The following TMX3 variants were observed in gnomAD, a reference collection of about 807,000 sequenced individuals.
TMX3 encodes the protein thioredoxin related transmembrane protein 3.
In TMX3, 40 loss-of-function variants were observed where a neutral mutation model predicts 64.4. The observed-to-expected ratio is 0.62, with a 90% confidence interval of 0.48 to 0.81. TMX3 has a LOEUF of 0.81. Ranked by LOEUF, TMX3 falls within the 30% of genes least tolerant of loss-of-function variation. TMX3 has a pLI of 0.00. For missense variants in TMX3, 497 were observed against 534.5 expected (o/e 0.93, Z 0.69); for synonymous variants, 189 against 175.7 (o/e 1.08, Z -0.60).
rs1912890322 is a variant in TMX3, at chr18:68,675,913, C to CGTTA, written c.*1016_*1019dup. On this transcript the variant is annotated 3_prime_UTR_variant, in exon 16 of 16. Coordinates refer to ENST00000299608, the MANE Select transcript of TMX3 (RefSeq NM_019022.5). ...TGTCACTGGACATGCTAATGTCAGTCGTTACTCCTTATGAAGCAGACACGG... is the reference window on the plus strand; with the variant it reads ...TGTCACTGGACATGCTAATGTCAGTCGTTAGTTACTCCTTATGAAGCAGACACGG... The CGTTA allele has an allele frequency of 6.6e-6, 1 of 151,980 alleles. No individual in the cohort carries two copies. Among genetic ancestry groups the CGTTA allele is most frequent in the Admixed American group, 6.6e-5 (1 of 15,246 alleles). 9.4% of individuals were successfully genotyped at this position (151,980 alleles called of 1,614,324 possible).
At chr18:68,694,263 C>T (rs1914833967) in intron 8 of TMX3, among the ~76,000 whole-genome samples, 1 of 152,204 alleles carries the variant, frequency 6.6e-6, no homozygotes, top group African/African-American at 2.4e-5. Flanking sequence ...CAAGTCAGGG[C>T]TGTGACACAC....
Position 68,676,442 on chromosome 18 carries a change from A to T in TMX3, c.*491T>A, listed in dbSNP as rs888495199. On this transcript the variant is annotated 3_prime_UTR_variant, in exon 16 of 16. Transcript: ENST00000299608. ...AAAACCACATTATTTTTAACCTCAT[A>T]ATCTTGATACATGGAAAAAGTTATT... is the stretch of plus-strand genomic sequence containing the variant. The T allele has an allele frequency of 6.5e-6, 1 of 154,532 alleles. No homozygotes were observed. The highest frequency in any genetic ancestry group is 1.4e-5 in the Non-Finnish European group (1 of 69,602). The allele number at this position is 154,532 out of a possible 1,614,324, so 9.6% of individuals were successfully genotyped here.
Position 68,693,543 on chromosome 18 carries a change from T to A in TMX3, c.571-2182A>T, listed in dbSNP as rs965935943. ...CAAAGTTGTGGCCGAGCCTGAGTGTTGTCGCAACTTAGCCGGGTGTGTGTG... is the reference window on the plus strand; with the variant it reads ...CAAAGTTGTGGCCGAGCCTGAGTGTAGTCGCAACTTAGCCGGGTGTGTGTG... On this transcript the variant is annotated intron_variant, in intron 8 of 15. Coordinates refer to ENST00000299608, the MANE Select transcript of TMX3 (RefSeq NM_019022.5). 2.0e-5 allele frequency among the ~76,000 whole-genome samples: 3 copies of A among 152,046 alleles called. No individual in the cohort carries two copies. In the South Asian group the frequency reaches 6.2e-4, roughly 32 times the overall value.
intron 8 of TMX3, among the ~76,000 whole-genome samples, chr18:68,695,454 T>C (rs1185823737): frequency 6.6e-6 from 1 of 152,194 alleles, no homozygotes; most frequent in Non-Finnish European, 1.5e-5. Context: ...GATGCTTATA[T>C]TTAGATTCCT....
intron 4 of TMX3, among the ~76,000 whole-genome samples, chr18:68,705,761 T>A (rs1344950711): frequency 2.0e-5 from 3 of 152,236 alleles, no homozygotes; most frequent in Middle Eastern, 3.2e-3. Flanking sequence ...TGGTATTAGT[T>A]AAATCCATGC....
In TMX3 at chr18:68,702,743, G is replaced by A. The variant is rs1167497160; in HGVS notation, c.266-953C>T. Reference sequence around the variant, plus strand: ...CTTGGGTAAGGAAGCTACTACATCTGAATTCCAATTTAACAATCACTTTAG... The same window carrying A: ...CTTGGGTAAGGAAGCTACTACATCTAAATTCCAATTTAACAATCACTTTAG... On this transcript the variant is annotated intron_variant, in intron 4 of 15. Transcript: ENST00000299608. Among the ~76,000 whole-genome samples the A allele has an allele frequency of 2.6e-5, 4 of 152,266 alleles. No individual in the cohort carries two copies. The East Asian group carries it at 7.7e-4, about 29-fold the overall frequency.
rs556336114 is a variant in TMX3, at chr18:68,704,523, A to G, written c.266-2733T>C. ...AAAGGTAATTCAGATTAAGAAACTAAAACAGGAAGATTCGGTAACTTGTTT... is the reference window on the plus strand; with the variant it reads ...AAAGGTAATTCAGATTAAGAAACTAGAACAGGAAGATTCGGTAACTTGTTT... On this transcript the variant is annotated intron_variant, in intron 4 of 15. Coordinates refer to ENST00000299608, the MANE Select transcript of TMX3 (RefSeq NM_019022.5). 2.6e-5 allele frequency among the ~76,000 whole-genome samples: 4 copies of G among 152,344 alleles called. No individual in the cohort carries two copies. In the East Asian group the frequency reaches 7.7e-4, roughly 29 times the overall value.
intron 5 of TMX3, 111 bp downstream of exon 5, chr18:68,701,634 C>T (rs1239137467): frequency 1.3e-6 from 2 of 1,550,936 alleles, no homozygotes; most frequent in Admixed American, 3.7e-5. Context: ...TGAAGAATGG[C>T]CAAACCCCAA....
chr18:68,700,683 A>G (rs2145096808), intron 5 of TMX3, 198 bp from the exon 6 acceptor site: 1 of 935,402 alleles, frequency 1.1e-6, no homozygotes, highest in South Asian at 4.9e-5. Flanking sequence ...AAGAGGCTGT[A>G]TTCTATTAAA....
At chr18:68,711,464 T>C (rs756913412) in intron 2 of TMX3, 61 bp from the exon 3 acceptor site, 56 of 1,192,784 alleles carry the variant, frequency 4.7e-5, no homozygotes, top group Middle Eastern at 3.9e-4. Flanking sequence ...AACTGTATAG[T>C]ATAGGCAGAG....
At chr18:68,690,496 T>C (rs1181771917) in intron 9 of TMX3, among the ~76,000 whole-genome samples, 1 of 152,196 alleles carries the variant, frequency 6.6e-6, no homozygotes, top group African/African-American at 2.4e-5. Flanking sequence ...TTTGCTGCAC[T>C]GCCCTAGGTC....
intron 10 of TMX3, among the ~76,000 whole-genome samples, chr18:68,685,130 T>C (rs1913818532): frequency 6.6e-6 from 1 of 152,152 alleles, no homozygotes; most frequent in African/African-American, 2.4e-5. Flanking sequence ...CATCAAGCAG[T>C]GTCTATCATG....
At chr18:68,714,141 A>C (rs1378459964) in intron 1 of TMX3, 4 of 265,620 alleles carry the variant, frequency 1.5e-5, no homozygotes, top group Admixed American at 1.0e-4. Context: ...AATCTAATAC[A>C]CACAGTTCCT....
At chr18:68,707,888 G>A (rs950467888) in intron 4 of TMX3, among the ~76,000 whole-genome samples, 2 of 151,994 alleles carry the variant, frequency 1.3e-5, no homozygotes, top group African/African-American at 4.8e-5. Context: ...GAATAAATAT[G>A]TGTATGCACA....
At chr18:68,699,691 A>T (rs533676612) in intron 6 of TMX3, among the ~76,000 whole-genome samples, 1 of 152,210 alleles carries the variant, frequency 6.6e-6, no homozygotes, top group Non-Finnish European at 1.5e-5. Flanking sequence ...CATTCTCAAG[A>T]ACTTTCACAT....
chr18:68,688,204 T>C (rs1194815665), intron 9 of TMX3, among the ~76,000 whole-genome samples: 1 of 152,134 alleles, frequency 6.6e-6, no homozygotes, highest in African/African-American at 2.4e-5. Flanking sequence ...ATGAAGTCAG[T>C]TATTCCTAAA....
chr18:68,690,458 T>G (rs1914406622), intron 9 of TMX3, among the ~76,000 whole-genome samples: 1 of 152,180 alleles, frequency 6.6e-6, no homozygotes, highest in Admixed American at 6.5e-5. Context: ...CCCTTGAAAT[T>G]TAAAATATCC....
At chr18:68,680,542 G>C (rs1412237475) in intron 14 of TMX3, among the ~76,000 whole-genome samples, 1 of 152,154 alleles carries the variant, frequency 6.6e-6, no homozygotes, top group African/African-American at 2.4e-5. Context: ...TTGAGAAATT[G>C]TCATCTTATT....
chr18:68,710,669 T>A (rs1238727002), intron 3 of TMX3, among the ~76,000 whole-genome samples: 1 of 152,324 alleles, frequency 6.6e-6, no homozygotes, highest in Middle Eastern at 3.4e-3. Flanking sequence ...AGTCTTTTAC[T>A]CTTCTTTAGA....
Sources: allele counts gnomAD v4.1 joint callset (sites outside exome capture counted in the v4.1 genomes callset), GRCh38; gene constraint gnomAD v4.1.1; transcripts MANE v1.5; gene names NCBI Gene and HGNC (gene_info 2026-07-23, HGNC 2026-07-21).